ATP2B2: variants seen among roughly 807,000 people sequenced by gnomAD.
ATP2B2 encodes ATPase plasma membrane Ca2+ transporting 2.
In ATP2B2, 15 loss-of-function variants were observed where a neutral mutation model predicts 120.0. The observed-to-expected ratio is 0.12, with a 90% CI of 0.08 to 0.19. ATP2B2 has a LOEUF of 0.19. Ranked by LOEUF, ATP2B2 falls within the 10% of genes least tolerant of loss-of-function variation. The pLI, the probability that ATP2B2 is intolerant of heterozygous loss-of-function variation, is 1.00. For synonymous variants in ATP2B2, 694 were observed against 700.3 expected (o/e 0.99, Z 0.14); for missense variants, 1,045 against 1,719.8 (o/e 0.61, Z 6.94).
intron 5 of ATP2B2, among the ~76,000 whole-genome samples, chr3:10,391,115 G>A (rs2061835821): frequency 6.6e-6 from 1 of 152,166 alleles, no homozygotes; most frequent in South Asian, 2.1e-4. Flanking sequence ...CACCCAAGCT[G>A]ACCTCTGTAG....
intron 1 of ATP2B2, among the ~76,000 whole-genome samples, chr3:10,679,975 C>T (rs989402041): frequency 5.9e-5 from 9 of 152,208 alleles, no homozygotes; most frequent in Non-Finnish European, 1.2e-4. Flanking sequence ...ATGTTAATAA[C>T]CTGTCGGTTC....
chr3:10,659,326 C>T (rs1252064511), intron 1 of ATP2B2, among the ~76,000 whole-genome samples: 1 of 152,194 alleles, frequency 6.6e-6, no homozygotes, highest in Non-Finnish European at 1.5e-5. Flanking sequence ...CAAGACCCAT[C>T]AGTGTGCTGT....
rs74934537 is a variant in ATP2B2, at chr3:10,422,424, T to A, written c.200-11609A>T. Among the ~76,000 whole-genome samples, 37 of 152,318 alleles carry A rather than the reference T, an allele frequency of 2.4e-4. 1 individual carries two copies. The East Asian group carries it at 4.2e-3, about 17-fold the overall frequency. ...AGGCATGTATGCAATGCCTAGAGTT[T>A]ATGATCACATCACGGTGTTGACGGT... is the stretch of plus-strand genomic sequence containing the variant. On this transcript the variant is annotated intron_variant, in intron 2 of 22. Transcript: ENST00000360273.
chr3:10,445,550 A>G (rs1389355078), intron 2 of ATP2B2, among the ~76,000 whole-genome samples: 3 of 152,230 alleles, frequency 2.0e-5, no homozygotes, highest in South Asian at 2.1e-4. Context: ...TCAGGAAAGT[A>G]GGGTCTCCAG....
intron 2 of ATP2B2, among the ~76,000 whole-genome samples, chr3:10,581,908 G>A (rs926328825): frequency 2.6e-5 from 4 of 152,312 alleles, no homozygotes; most frequent in African/African-American, 9.6e-5. Flanking sequence ...GATTTGTTAG[G>A]TAAACACAGA....
chr3:10,439,961 G>T (rs1250282387), intron 2 of ATP2B2, among the ~76,000 whole-genome samples: 1 of 151,830 alleles, frequency 6.6e-6, no homozygotes, highest in African/African-American at 2.4e-5. Flanking sequence ...AAATTACCTG[G>T]GCATGGTGGC....
chr3:10,379,462 C>G (rs555520864), intron 8 of ATP2B2, among the ~76,000 whole-genome samples, 178 bp from the exon 9 acceptor site: 1 of 152,184 alleles, frequency 6.6e-6, no homozygotes, highest in Non-Finnish European at 1.5e-5. Flanking sequence ...CAGGCCTGGC[C>G]GCACCTTAGC....
chr3:10,547,910 C>T (rs2067586640), intron 2 of ATP2B2, among the ~76,000 whole-genome samples: 1 of 152,238 alleles, frequency 6.6e-6, no homozygotes, highest in African/African-American at 2.4e-5. Context: ...GGACCATTTT[C>T]CCAACACCCT....
intron 2 of ATP2B2, among the ~76,000 whole-genome samples, chr3:10,431,202 A>T (rs112636544): frequency 6.6e-6 from 1 of 152,208 alleles, no homozygotes; most frequent in Non-Finnish European, 1.5e-5. Context: ...AGAATATTCC[A>T]TACCTTAGTT....
intron 3 of ATP2B2, among the ~76,000 whole-genome samples, chr3:10,515,352 CT>C (rs2066856486): frequency 6.6e-6 from 1 of 152,188 alleles, no homozygotes; most frequent in South Asian, 2.1e-4. Context: ...GGTGACAACA[CT>C]TTTAATTCAT....
intron 6 of ATP2B2, 62 bp from the exon 7 acceptor site, chr3:10,386,574 C>A: frequency 6.4e-7 from 1 of 1,561,688 alleles, no homozygotes; most frequent in Non-Finnish European, 8.8e-7. Flanking sequence ...TCTGCCCATG[C>A]GCACGCGCAC....
intron 10 of ATP2B2, among the ~76,000 whole-genome samples, chr3:10,377,154 A>T (rs1305156880): frequency 3.9e-5 from 6 of 152,176 alleles, no homozygotes; most frequent in African/African-American, 1.4e-4. Flanking sequence ...GGTTGTTCTC[A>T]TCGCTTCGTT....
At chr3:10,688,639 G>A (rs2071583250) in intron 1 of ATP2B2, among the ~76,000 whole-genome samples, 1 of 152,160 alleles carries the variant, frequency 6.6e-6, no homozygotes. Flanking sequence ...CAACGTTAAG[G>A]TGAGCAGCCC....
chr3:10,707,017 A>G (rs2071906155), intron 1 of ATP2B2, among the ~76,000 whole-genome samples: 1 of 152,212 alleles, frequency 6.6e-6, no homozygotes, highest in South Asian at 2.1e-4. Context: ...TACAGCTAGG[A>G]CATCACCAAA....
chr3:10,606,947 AGAGGGGGAG>A (rs1389494436), intron 2 of ATP2B2, among the ~76,000 whole-genome samples: 2 of 71,056 alleles, frequency 2.8e-5, no homozygotes, highest in African/African-American at 2.0e-4. Flanking sequence ...AGGGAGAGGG[AGAGGGGGAG>A]GGGGGGAGAG....
chr3:10,564,242 G>T (rs1226584367), intron 2 of ATP2B2, among the ~76,000 whole-genome samples: 3 of 152,218 alleles, frequency 2.0e-5, no homozygotes, highest in Non-Finnish European at 4.4e-5. Flanking sequence ...TTCTTCTGTT[G>T]CTGCTCACCT....
chr3:10,656,528 C>T (rs991964743), intron 1 of ATP2B2, among the ~76,000 whole-genome samples: 1 of 152,220 alleles, frequency 6.6e-6, no homozygotes, highest in Admixed American at 6.5e-5. Context: ...CACCCTGGCT[C>T]CTGCCCAACC....
At chr3:10,625,705 C>A (rs2069678470) in intron 1 of ATP2B2, among the ~76,000 whole-genome samples, 1 of 152,068 alleles carries the variant, frequency 6.6e-6, no homozygotes, top group Admixed American at 6.5e-5. Flanking sequence ...GGAGTGGTGC[C>A]CCCACACTCA....
chr3:10,434,625 C>A (rs1214034339), intron 2 of ATP2B2, among the ~76,000 whole-genome samples: 1 of 152,236 alleles, frequency 6.6e-6, no homozygotes, highest in Non-Finnish European at 1.5e-5. Context: ...AAATGATTCA[C>A]CTGAGGCCAC....
Sources: allele counts gnomAD v4.1 joint callset (sites outside exome capture counted in the v4.1 genomes callset), GRCh38; gene constraint gnomAD v4.1.1; transcripts MANE v1.5; gene names NCBI Gene and HGNC (gene_info 2026-07-23, HGNC 2026-07-21).